The following TRAK1 variants were observed in gnomAD, a reference collection of about 807,000 sequenced individuals.
TRAK1 encodes trafficking kinesin protein 1, also known as trafficking kinesin-binding protein 1.
Under a neutral mutation model 92.1 loss-of-function variants are expected in TRAK1, and 33 were observed. The observed-to-expected ratio is 0.36, with a 90% CI of 0.27 to 0.48. The LOEUF (loss-of-function observed/expected upper bound fraction) is 0.48. Among genes scored for constraint, TRAK1 ranks in the 20% least tolerant of loss-of-function variants. TRAK1 has a pLI of 0.99. For synonymous variants in TRAK1, 521 were observed against 517.3 expected, an observed-to-expected ratio of 1.01 and a Z score of -0.10; for missense variants, 1,123 against 1,257.9, an observed-to-expected ratio of 0.89 and a Z score of 1.62.
At chr3:42,027,390 G>T (rs1701960034) in intron 1 of TRAK1, among the ~76,000 whole-genome samples, 1 of 152,068 alleles carries the variant, frequency 6.6e-6, no homozygotes, top group African/African-American at 2.4e-5. Context: ...AGGTGTGGTG[G>T]CGGGCACCTA....
chr3:42,038,802 A>AT (rs1559714995), intron 1 of TRAK1, among the ~76,000 whole-genome samples: 2 of 105,976 alleles, frequency 1.9e-5, no homozygotes, highest in East Asian at 2.2e-4. Flanking sequence ...AAAAAAAAAA[A>AT]GTTTTTTTTT....
intron 1 of TRAK1, among the ~76,000 whole-genome samples, chr3:42,036,243 G>C (rs554842628): frequency 6.6e-6 from 1 of 152,272 alleles, no homozygotes; most frequent in African/African-American, 2.4e-5. Context: ...AAAGATTGTA[G>C]GTTCCATGAG....
chr3:42,128,008 A>T (rs1486033619), intron 2 of TRAK1, among the ~76,000 whole-genome samples: 2 of 152,122 alleles, frequency 1.3e-5, no homozygotes, highest in Non-Finnish European at 2.9e-5. Context: ...GAGAAACCCC[A>T]TCTCTACTAA....
intron 2 of TRAK1, among the ~76,000 whole-genome samples, chr3:42,175,777 C>T (rs1007330489): frequency 4.6e-5 from 7 of 152,122 alleles, no homozygotes; most frequent in Admixed American, 2.0e-4. Context: ...CCAAATGTGT[C>T]GCATGGGCTG....
chr3:42,174,369 T>C (rs937456657), intron 2 of TRAK1, among the ~76,000 whole-genome samples: 7 of 152,198 alleles, frequency 4.6e-5, no homozygotes, highest in Non-Finnish European at 8.8e-5. Context: ...TAAGTGCAAG[T>C]AAAACGGGAA....
intron 3 of TRAK1, among the ~76,000 whole-genome samples, chr3:42,182,289 GC>G: frequency 7.2e-6 from 1 of 138,142 alleles, no homozygotes; most frequent in Admixed American, 7.7e-5. Context: ...TGGGGGATTT[GC>G]AACTCTCTCT....
At chr3:42,109,191 T>C (rs1708002640) in intron 1 of TRAK1, among the ~76,000 whole-genome samples, 1 of 152,226 alleles carries the variant, frequency 6.6e-6, no homozygotes, top group Non-Finnish European at 1.5e-5. Context: ...TTAAATGAGT[T>C]AATGGATGTA....
At chr3:42,025,525 A>C (rs1054018457) in intron 1 of TRAK1, among the ~76,000 whole-genome samples, 1 of 152,162 alleles carries the variant, frequency 6.6e-6, no homozygotes, top group Non-Finnish European at 1.5e-5. Context: ...CTTTCATGTT[A>C]AGAATGTGTC....
At chr3:42,174,660 T>TAC (rs972724904) in intron 2 of TRAK1, among the ~76,000 whole-genome samples, 5 of 148,890 alleles carry the variant, frequency 3.4e-5, no homozygotes, top group African/African-American at 7.4e-5. Context: ...TATATATATA[T>TAC]ACACACAAAA....
chr3:42,093,651 C>T (rs1180754243), intron 1 of TRAK1, among the ~76,000 whole-genome samples: 1 of 37,470 alleles, frequency 2.7e-5, no homozygotes, highest in African/African-American at 9.7e-5. Context: ...TTTTTTCTCC[C>T]CTTCCCTTCC....
In TRAK1 at chr3:42,176,896, T is replaced by G; in HGVS notation, c.363+6T>G. 1 of 1,613,870 alleles carries G rather than the reference T, an allele frequency of 6.2e-7. No individual in the cohort carries two copies. The highest frequency in any genetic ancestry group is 8.5e-7 in the Non-Finnish European group (1 of 1,179,750). Reference sequence around the variant, plus strand: ...TCACTCGGCTTCTTGAGGAGGTAAGTGCTCCAGGGGAAGGCAAAAGAGTTG... The same window carrying G: ...TCACTCGGCTTCTTGAGGAGGTAAGGGCTCCAGGGGAAGGCAAAAGAGTTG... On this transcript the variant is annotated splice_donor_region_variant and intron_variant, in intron 3 of 15. Transcript: ENST00000327628.
chr3:42,197,902 T>A (rs1158218266), intron 10 of TRAK1, among the ~76,000 whole-genome samples: 1 of 152,228 alleles, frequency 6.6e-6, no homozygotes, highest in Non-Finnish European at 1.5e-5. Context: ...TGGCCACATG[T>A]GGCTGTGCAA....
Position 42,109,018 on chromosome 3 carries a change from G to A in TRAK1, c.92-16402G>A, listed in dbSNP as rs141790744. On this transcript the variant is annotated intron_variant, in intron 1 of 15. Transcript: ENST00000327628. ...AGGATCTTTGGGGCCAGGGGCAGGC[G>A]TGAGTGGTGGTTAGGATTTTGACCT... Among the ~76,000 whole-genome samples the A allele has an allele frequency of 4.3e-3, 658 of 152,274 alleles. 4 individuals are homozygous for A. Among genetic ancestry groups the A allele is most frequent in the African/African-American group, 0.015 (633 of 41,558 alleles).
At chr3:42,048,202 A>G (rs1441896627) in intron 1 of TRAK1, among the ~76,000 whole-genome samples, 1 of 151,996 alleles carries the variant, frequency 6.6e-6, no homozygotes, top group Admixed American at 6.6e-5. Flanking sequence ...TCTTTTCCTT[A>G]CATTTTATCT....
At chr3:42,123,358 AG>A (rs913512332) in intron 1 of TRAK1, among the ~76,000 whole-genome samples, 1 of 152,172 alleles carries the variant, frequency 6.6e-6, no homozygotes, top group Admixed American at 6.5e-5. Context: ...TGGCTCAAGC[AG>A]GGGGAACAGG....
intron 2 of TRAK1, among the ~76,000 whole-genome samples, chr3:42,155,747 G>A (rs1007106735): frequency 6.6e-6 from 1 of 152,184 alleles, no homozygotes; most frequent in Admixed American, 6.5e-5. Context: ...ATATGGCTGT[G>A]GAGCACTTGA....
chr3:42,184,840 C>G (rs1269209508), intron 4 of TRAK1, 39 bp downstream of exon 4: 9 of 1,588,002 alleles, frequency 5.7e-6, no homozygotes, highest in Non-Finnish European at 7.8e-6. Context: ...AGGGGCCCGC[C>G]ACAGGCCTGG....
At chr3:42,201,863 G>T (rs1401817089) in intron 12 of TRAK1, among the ~76,000 whole-genome samples, 2 of 111,984 alleles carry the variant, frequency 1.8e-5, no homozygotes, top group Non-Finnish European at 4.1e-5. Flanking sequence ...TGGACGGACG[G>T]ACGGACGGAC....
At chr3:42,037,505 A>G (rs991221574) in intron 1 of TRAK1, among the ~76,000 whole-genome samples, 3 of 152,230 alleles carry the variant, frequency 2.0e-5, no homozygotes, top group Non-Finnish European at 4.4e-5. Flanking sequence ...GCAGATGCAT[A>G]AACTGTCATG....
Sources: gnomAD v4.1 joint callset for allele counts (sites outside exome capture counted in the v4.1 genomes callset) on GRCh38, gnomAD v4.1.1 for gene constraint, MANE v1.5 for transcripts, NCBI Gene and HGNC (gene_info 2026-07-23, HGNC 2026-07-21) for gene names.